Variants in GPC5 observed in about 807,000 individuals in gnomAD.
GPC5 encodes glypican 5, also known as glypican-5.
In GPC5, 47 loss-of-function variants were observed where a neutral mutation model predicts 53.9. The ratio of observed to expected loss-of-function variants is 0.87; its 90% CI spans 0.69 to 1.11. GPC5 has a LOEUF of 1.11. Among genes scored for constraint, GPC5 ranks in the 50% most tolerant of loss-of-function variants. GPC5 has a pLI of 0.00. For synonymous variants in GPC5, 286 were observed against 263.3 expected (o/e 1.09, Z -0.84); for missense variants, 748 against 713.1 (o/e 1.05, Z -0.56).
intron 7 of GPC5, among the ~76,000 whole-genome samples, chr13:92,178,215 G>A (rs1400151300): frequency 1.3e-5 from 2 of 152,120 alleles, no homozygotes; most frequent in Non-Finnish European, 2.9e-5. Context: ...AGATGGCTCT[G>A]CGTTTATTCC....
intron 7 of GPC5, among the ~76,000 whole-genome samples, chr13:92,355,640 T>C (rs532873704): frequency 1.3e-5 from 2 of 152,342 alleles, no homozygotes; most frequent in East Asian, 1.9e-4. Context: ...TTTTTGATGA[T>C]TTCAATACCT....
At chr13:92,218,150 A>G (rs1375110774) in intron 7 of GPC5, among the ~76,000 whole-genome samples, 1 of 150,804 alleles carries the variant, frequency 6.6e-6, no homozygotes, top group African/African-American at 2.4e-5. Flanking sequence ...TTGGTCTTGA[A>G]CTCCTGGCCT....
intron 7 of GPC5, among the ~76,000 whole-genome samples, chr13:92,830,585 A>C (rs1878013286): frequency 1.3e-5 from 2 of 152,138 alleles, no homozygotes; most frequent in Admixed American, 1.3e-4. Flanking sequence ...TCTATATTTA[A>C]ATGTTCAGAA....
chr13:92,473,129 C>G (rs766506265), intron 7 of GPC5, among the ~76,000 whole-genome samples: 1 of 152,022 alleles, frequency 6.6e-6, no homozygotes. Flanking sequence ...GTCTGAACAG[C>G]ACAAACCACA....
At chr13:91,934,020 T>C (rs1248358648) in intron 6 of GPC5, among the ~76,000 whole-genome samples, 1 of 151,954 alleles carries the variant, frequency 6.6e-6, no homozygotes, top group Non-Finnish European at 1.5e-5. Flanking sequence ...ACCTGAGCTA[T>C]GCTTCCCTGG....
chr13:92,576,221 G>C (rs1883186306), intron 7 of GPC5, among the ~76,000 whole-genome samples: 1 of 152,118 alleles, frequency 6.6e-6, no homozygotes, highest in Admixed American at 6.6e-5. Flanking sequence ...TTTATGAAAA[G>C]CTCCTACTAT....
At chr13:91,833,415 C>A (rs2038685901) in intron 5 of GPC5, among the ~76,000 whole-genome samples, 1 of 152,108 alleles carries the variant, frequency 6.6e-6, no homozygotes, top group South Asian at 2.1e-4. Context: ...ATCCTGATAA[C>A]AAAACCTGGC....
At chr13:92,723,670 A>T (rs1888564333) in intron 7 of GPC5, among the ~76,000 whole-genome samples, 1 of 151,686 alleles carries the variant, frequency 6.6e-6, no homozygotes, top group African/African-American at 2.4e-5. Context: ...CTCAGTCAGG[A>T]TGCTGTGAAC....
chr13:91,718,012 A>C (rs1206558314), intron 3 of GPC5, among the ~76,000 whole-genome samples: 1 of 152,150 alleles, frequency 6.6e-6, no homozygotes, highest in African/African-American at 2.4e-5. Context: ...TCAATGTAGG[A>C]TTCTTACACC....
chr13:91,591,850 T>G (rs1347765566), intron 2 of GPC5, among the ~76,000 whole-genome samples: 1 of 152,242 alleles, frequency 6.6e-6, no homozygotes, highest in Non-Finnish European at 1.5e-5. Context: ...TTTACTGGAT[T>G]CTGTGGATTC....
At chr13:92,092,222 G>A (rs1173572383) in intron 6 of GPC5, among the ~76,000 whole-genome samples, 6 of 152,088 alleles carry the variant, frequency 3.9e-5, no homozygotes, top group African/African-American at 1.2e-4. Context: ...TACACCTTAG[G>A]CTCTCTGCAT....
chr13:92,154,429 T>G (rs1429791201), intron 7 of GPC5, among the ~76,000 whole-genome samples: 1 of 152,218 alleles, frequency 6.6e-6, no homozygotes, highest in African/African-American at 2.4e-5. Context: ...CTTCTTTTGG[T>G]TGTGACCTCA....
intron 7 of GPC5, among the ~76,000 whole-genome samples, chr13:92,216,424 G>C (rs2042410626): frequency 6.6e-6 from 1 of 152,116 alleles, no homozygotes; most frequent in South Asian, 2.1e-4. Context: ...CTAAAGTTAG[G>C]GGTTTATAGA....
intron 7 of GPC5, among the ~76,000 whole-genome samples, chr13:92,345,349 T>C (rs2043402043): frequency 1.3e-5 from 2 of 152,214 alleles, no homozygotes; most frequent in Middle Eastern, 6.8e-3. Context: ...CTTTCTAATG[T>C]ATGAAAGAGA....
At chr13:91,765,690 C>CA in intron 5 of GPC5, among the ~76,000 whole-genome samples, 1 of 152,286 alleles carries the variant, frequency 6.6e-6, no homozygotes. Context: ...AAGAAGTGTA[C>CA]AATCCCACAG....
intron 2 of GPC5, among the ~76,000 whole-genome samples, chr13:91,642,830 A>G (rs1378382233): frequency 6.6e-6 from 1 of 151,896 alleles, no homozygotes; most frequent in African/African-American, 2.4e-5. Flanking sequence ...TTGCTAGTGC[A>G]TGGGTCTTGG....
Position 91,886,347 on chromosome 13 carries a change from A to G in GPC5, c.1281-21590A>G, listed in dbSNP as rs191619861. 2.0e-4 allele frequency among the ~76,000 whole-genome samples: 30 copies of G among 152,310 alleles called. No homozygotes were observed. The East Asian group carries it at 5.4e-3, about 27-fold the overall frequency. ...ACCCTCCCACTGGGCCTCTCCCATG[A>G]CATGTGGGGATTATGGGAACTATAA... On this transcript the variant is annotated intron_variant, in intron 5 of 7. Transcript: ENST00000377067.
intron 7 of GPC5, among the ~76,000 whole-genome samples, chr13:92,318,115 T>G (rs2043192223): frequency 6.6e-6 from 1 of 152,194 alleles, no homozygotes; most frequent in African/African-American, 2.4e-5. Flanking sequence ...TTTGTTGAAG[T>G]TTTATGTTCA....
chr13:91,454,691 G>C (rs1162467953), intron 2 of GPC5, among the ~76,000 whole-genome samples: 1 of 152,080 alleles, frequency 6.6e-6, no homozygotes, highest in East Asian at 1.9e-4. Flanking sequence ...TAAAACAAGA[G>C]ATTCTCTCTC....
Sources: gnomAD v4.1 joint callset for allele counts (sites outside exome capture counted in the v4.1 genomes callset) on GRCh38, gnomAD v4.1.1 for gene constraint, MANE v1.5 for transcripts, NCBI Gene and HGNC (gene_info 2026-07-23, HGNC 2026-07-21) for gene names.